The following TUSC3 variants were observed in gnomAD, a reference collection of about 807,000 sequenced individuals.
The protein encoded by TUSC3 is dolichyl-diphosphooligosaccharide--protein glycosyltransferase subunit TUSC3.
A neutral mutation model predicts 44.8 loss-of-function variants in TUSC3; 45 were observed. That is an observed-to-expected ratio of 1.00 (90% CI 0.79 to 1.29). TUSC3 has a LOEUF of 1.29. TUSC3 is among the 50% of genes most tolerant of loss of function. The pLI, the probability that TUSC3 is intolerant of heterozygous loss-of-function variation, is 0.00. For missense variants in TUSC3, 519 were observed against 437.9 expected (o/e 1.19, Z -1.65); for synonymous variants, 212 against 152.9 (o/e 1.39, Z -2.85).
the TUSC3 span, among the ~76,000 whole-genome samples, chr8:15,774,833 T>C: frequency 6.6e-6 from 1 of 151,846 alleles, no homozygotes; most frequent in African/African-American, 2.4e-5. Flanking sequence ...TAAAGGAAAA[T>C]GTTGGTGCAG....
chr8:15,832,023 T>C, the TUSC3 span, among the ~76,000 whole-genome samples: 1 of 152,000 alleles, frequency 6.6e-6, no homozygotes, highest in East Asian at 1.9e-4. Flanking sequence ...GAAAAAACAG[T>C]ATGTTGAAGG....
At chr8:15,799,529 G>C in the TUSC3 span, among the ~76,000 whole-genome samples, 1 of 152,264 alleles carries the variant, frequency 6.6e-6, no homozygotes, top group South Asian at 2.1e-4. Flanking sequence ...CTGCTTCCTG[G>C]TATTGTCAGC....
intron 2 of TUSC3, 96 bp downstream of exon 2, chr8:15,623,345 A>C: frequency 7.9e-7 from 1 of 1,262,574 alleles, no homozygotes; most frequent in Non-Finnish European, 1.1e-6. Context: ...TAAGATAAAC[A>C]GTTGTTTAAT....
chr8:15,657,344 G>A (rs1324687426), intron 3 of TUSC3, among the ~76,000 whole-genome samples: 6 of 152,144 alleles, frequency 3.9e-5, no homozygotes, highest in Non-Finnish European at 5.9e-5. Flanking sequence ...CATCCAGAAT[G>A]TTTTGCTGCT....
At chr8:15,624,638 C>A (rs1805408375) in intron 2 of TUSC3, among the ~76,000 whole-genome samples, 1 of 152,136 alleles carries the variant, frequency 6.6e-6, no homozygotes, top group South Asian at 2.1e-4. Context: ...TAGTCTTCTG[C>A]CCCTTTCTAA....
chr8:15,574,711 ATTTTC>A, intron 1 of TUSC3, among the ~76,000 whole-genome samples: 1 of 152,066 alleles, frequency 6.6e-6, no homozygotes, highest in African/African-American at 2.4e-5. Context: ...ACATTTTTTC[ATTTTC>A]TTTTGAGAAT....
chr8:15,484,531 T>A (rs1800710405), intron 2 of TUSC3, among the ~76,000 whole-genome samples: 1 of 152,248 alleles, frequency 6.6e-6, no homozygotes, highest in Non-Finnish European at 1.5e-5. Flanking sequence ...ATCTAAGTAT[T>A]CAGAAAATTA....
rs533587631 is a variant in TUSC3 at position 15,447,693 on chromosome 8, CT to C, written n.91+30402del. Among the ~76,000 whole-genome samples the C allele has an allele frequency of 4.1e-3, 570 of 140,558 alleles. 1 individual carries two copies. Among genetic ancestry groups the C allele is most frequent in the African/African-American group, 5.1e-3 (198 of 38,478 alleles). 92.2% of individuals were successfully genotyped at this position (140,558 alleles called of 152,430 possible). ...TTGAAAAGCATGAACATAATTATGT[CT>C]TTTTTTTTTTTTTACTTACTTTTAT... On this transcript the variant is annotated intron_variant and non_coding_transcript_variant, in intron 1 of 5. Coordinates refer to the TUSC3 transcript ENST00000503191.
At chr8:15,697,361 C>T (rs1809212497) in intron 6 of TUSC3, among the ~76,000 whole-genome samples, 1 of 152,084 alleles carries the variant, frequency 6.6e-6, no homozygotes, top group Non-Finnish European at 1.5e-5. Flanking sequence ...GTTCCTTGAG[C>T]TGTGACCTTA....
intron 1 of TUSC3, among the ~76,000 whole-genome samples, chr8:15,417,997 C>T (rs995935608): frequency 6.6e-6 from 1 of 152,166 alleles, no homozygotes; most frequent in Non-Finnish European, 1.5e-5. Flanking sequence ...AACTCTGACA[C>T]TTTATAACAC....
chr8:15,598,530 A>T (rs7819262), intron 1 of TUSC3, among the ~76,000 whole-genome samples: 128,675 of 151,658 alleles, frequency 0.85, 54,805 homozygotes, highest in Non-Finnish European at 0.87. Flanking sequence ...TCTGTGGGTT[A>T]GGGTAAATGT....
chr8:15,750,829 C>G (rs940699115), intron 9 of TUSC3, among the ~76,000 whole-genome samples: 1 of 151,956 alleles, frequency 6.6e-6, no homozygotes, highest in Non-Finnish European at 1.5e-5. Context: ...CAGCAGGCCT[C>G]ATAATGCTAG....
chr8:15,438,934 G>T (rs143816690), intron 1 of TUSC3, among the ~76,000 whole-genome samples: 42 of 152,258 alleles, frequency 2.8e-4, no homozygotes, highest in African/African-American at 1.0e-3. Flanking sequence ...TGGTGTGGTC[G>T]CAAGGAGAGG....
At chr8:15,645,596 G>A (rs1449906323) in intron 2 of TUSC3, among the ~76,000 whole-genome samples, 1 of 151,966 alleles carries the variant, frequency 6.6e-6, no homozygotes, top group East Asian at 1.9e-4. Context: ...AGACTGTGAG[G>A]TATACTTCTT....
At chr8:15,720,874 T>A (rs1021002037) in intron 6 of TUSC3, among the ~76,000 whole-genome samples, 1 of 152,080 alleles carries the variant, frequency 6.6e-6, no homozygotes, top group East Asian at 1.9e-4. Flanking sequence ...ATAACAAATA[T>A]GTTAAAAGGT....
intron 5 of TUSC3, 142 bp from the exon 6 acceptor site, chr8:15,673,605 G>A: frequency 1.4e-6 from 1 of 709,706 alleles, no homozygotes; most frequent in African/African-American, 1.8e-5. Flanking sequence ...AAGTCCCATA[G>A]TTAATAAGTG....
rs575431373 is a variant in TUSC3 at position 15,577,369 on chromosome 8, G to A, written c.138+36801G>A. On this transcript the variant is annotated intron_variant, in intron 1 of 10. Coordinates refer to ENST00000503731, the MANE Select transcript of TUSC3 (RefSeq NM_006765.4). ...TTGTTGCCATTGCTTTTGGTGTTTTGGACATGAAGTCCTTGCCCATGCCTA... is the reference window on the plus strand; with the variant it reads ...TTGTTGCCATTGCTTTTGGTGTTTTAGACATGAAGTCCTTGCCCATGCCTA... Among the ~76,000 whole-genome samples, 867 of 151,636 alleles carry A rather than the reference G, an allele frequency of 5.7e-3. 16 individuals are homozygous for A. The highest frequency in any genetic ancestry group is 0.02 in the African/African-American group (824 of 41,420).
chr8:15,448,020 G>T (rs1031606941), intron 1 of TUSC3, among the ~76,000 whole-genome samples: 50 of 150,108 alleles, frequency 3.3e-4, no homozygotes, highest in African/African-American at 1.2e-3. Flanking sequence ...TCAATAGCCA[G>T]GCATAATTAG....
rs571515039 is a variant in TUSC3 at position 15,483,522 on chromosome 8, T to A, written n.189+39T>A. ...CACCCGGCTAATTTTGTATTTTCAGTAGAGACGGTGTTTCTCCACGTTGAT... is the reference window on the plus strand; with the variant it reads ...CACCCGGCTAATTTTGTATTTTCAGAAGAGACGGTGTTTCTCCACGTTGAT... On this transcript the variant is annotated intron_variant and non_coding_transcript_variant, in intron 2 of 5. Coordinates refer to the TUSC3 transcript ENST00000503191. 278 of 156,458 alleles carry A rather than the reference T, an allele frequency of 1.8e-3. 1 individual carries two copies. Among genetic ancestry groups the A allele is most frequent in the African/African-American group, 6.2e-3 (258 of 41,546 alleles). 9.7% of individuals were successfully genotyped at this position (156,458 alleles called of 1,614,324 possible).
Sources: gnomAD v4.1 joint callset for allele counts (sites outside exome capture counted in the v4.1 genomes callset) on GRCh38, gnomAD v4.1.1 for gene constraint, MANE v1.5 for transcripts, NCBI Gene and HGNC (gene_info 2026-07-23, HGNC 2026-07-21) for gene names.